Variants in CAMKMT observed in about 807,000 individuals in gnomAD.
CAMKMT encodes calmodulin-lysine N-methyltransferase.
A neutral mutation model predicts 48.0 loss-of-function variants in CAMKMT; 53 were observed. The ratio of observed to expected loss-of-function variants is 1.10; its 90% CI spans 0.89 to 1.39. The LOEUF is 1.39. CAMKMT is among the 40% of genes most tolerant of loss of function. The pLI, the probability that CAMKMT is intolerant of heterozygous loss-of-function variation, is 0.00. For missense variants in CAMKMT, 428 were observed against 402.7 expected (o/e 1.06, Z -0.54); for synonymous variants, 165 against 152.3 (o/e 1.08, Z -0.61).
intron 3 of CAMKMT, among the ~76,000 whole-genome samples, chr2:44,662,362 A>T (rs1225019739): frequency 6.6e-6 from 1 of 152,160 alleles, no homozygotes; most frequent in Non-Finnish European, 1.5e-5. Context: ...TCTTACTGCC[A>T]TTGTCTGCTA....
intron 3 of CAMKMT, among the ~76,000 whole-genome samples, chr2:44,570,662 A>G (rs1439232205): frequency 6.6e-6 from 1 of 152,186 alleles, no homozygotes; most frequent in African/African-American, 2.4e-5. Flanking sequence ...CTGTTTCTTC[A>G]AACTTGATTA....
chr2:44,459,275 CAATT>C (rs1450531476), intron 3 of CAMKMT, among the ~76,000 whole-genome samples: 1 of 152,076 alleles, frequency 6.6e-6, no homozygotes, highest in Non-Finnish European at 1.5e-5. Flanking sequence ...TAAAGATTTA[CAATT>C]AAAGTCATTT....
chr2:44,603,198 C>CG (rs985787757), intron 3 of CAMKMT, among the ~76,000 whole-genome samples: 2 of 152,020 alleles, frequency 1.3e-5, no homozygotes, highest in African/African-American at 4.8e-5. Context: ...AAGCAATTCT[C>CG]GTGCCTCAGC....
intron 3 of CAMKMT, among the ~76,000 whole-genome samples, chr2:44,483,588 T>A (rs1669078189): frequency 6.6e-6 from 1 of 152,146 alleles, no homozygotes; most frequent in Non-Finnish European, 1.5e-5. Context: ...AAAGTTTGCT[T>A]GTAATTTGAG....
At chr2:44,370,059 C>T (rs1477832618) in intron 1 of CAMKMT, 1 of 152,112 alleles carries the variant, frequency 6.6e-6, no homozygotes, top group Non-Finnish European at 1.5e-5. Flanking sequence ...ATATTCTCTA[C>T]AAGCAGAGGT....
chr2:44,449,161 A>G (rs901381764), intron 3 of CAMKMT, among the ~76,000 whole-genome samples: 1 of 152,158 alleles, frequency 6.6e-6, no homozygotes, highest in Non-Finnish European at 1.5e-5. Context: ...AGACAAAACA[A>G]AACTTCAATC....
intron 3 of CAMKMT, among the ~76,000 whole-genome samples, chr2:44,620,085 A>G (rs1440117304): frequency 6.6e-6 from 1 of 152,214 alleles, no homozygotes; most frequent in Admixed American, 6.5e-5. Flanking sequence ...CTAAAAGATA[A>G]CCACAATACC....
intron 3 of CAMKMT, among the ~76,000 whole-genome samples, chr2:44,551,145 G>C (rs1460561046): frequency 6.6e-6 from 1 of 152,092 alleles, no homozygotes; most frequent in Non-Finnish European, 1.5e-5. Flanking sequence ...ATGTAGTCCT[G>C]TTTAATGGGG....
At chr2:44,601,173 A>G (rs925135585) in intron 3 of CAMKMT, among the ~76,000 whole-genome samples, 1 of 152,076 alleles carries the variant, frequency 6.6e-6, no homozygotes, top group Admixed American at 6.6e-5. Context: ...ACTCTTTTAG[A>G]AAAAGTCATA....
At chr2:44,541,990 T>C (rs969248749) in intron 3 of CAMKMT, among the ~76,000 whole-genome samples, 21 of 151,630 alleles carry the variant, frequency 1.4e-4, no homozygotes, top group African/African-American at 3.9e-4. Flanking sequence ...AAACCGGGCA[T>C]GGTGGCACGC....
At chr2:44,770,778 C>G (rs1681072037) in intron 10 of CAMKMT, among the ~76,000 whole-genome samples, 2 of 152,240 alleles carry the variant, frequency 1.3e-5, no homozygotes, top group South Asian at 4.1e-4. Flanking sequence ...AGGCTTAACA[C>G]TCTCGCTACT....
At chr2:44,393,192 G>A (rs779907387) in intron 3 of CAMKMT, 20 of 152,138 alleles carry the variant, frequency 1.3e-4, no homozygotes, top group Non-Finnish European at 2.4e-4. Context: ...GTGAAAAGAC[G>A]TGGAAAAATC....
chr2:44,422,468 C>G (rs532774388), intron 3 of CAMKMT, among the ~76,000 whole-genome samples: 1 of 151,868 alleles, frequency 6.6e-6, no homozygotes. Context: ...ACAGAGGGAC[C>G]CAGCCAGGAA....
chr2:44,741,119 A>G (rs941019060), intron 7 of CAMKMT, among the ~76,000 whole-genome samples: 1 of 152,252 alleles, frequency 6.6e-6, no homozygotes, highest in Non-Finnish European at 1.5e-5. Flanking sequence ...GCATATGATC[A>G]GTGGACTTGT....
rs148729757 is a variant in CAMKMT at position 44,414,577 on chromosome 2, G to A, written c.376+24272G>A. Among the ~76,000 whole-genome samples, 160 of 152,298 alleles carry A rather than the reference G, an allele frequency of 1.1e-3. 1 individual carries two copies. The highest frequency in any genetic ancestry group is 3.8e-3 in the African/African-American group (157 of 41,556). On this transcript the variant is annotated intron_variant, in intron 3 of 10. Coordinates refer to ENST00000378494, the MANE Select transcript of CAMKMT (RefSeq NM_024766.5). ...GAGACAGAGAGTGGACACCCAAGAT[G>A]AGAGTCATAGTCTTTTATAACCTAA...
intron 3 of CAMKMT, among the ~76,000 whole-genome samples, chr2:44,463,823 C>A (rs569931511): frequency 6.6e-6 from 1 of 152,212 alleles, no homozygotes; most frequent in African/African-American, 2.4e-5. Flanking sequence ...CTGTCAGATT[C>A]TCTGGCTGTG....
At chr2:44,568,452 C>T (rs150229023) in intron 3 of CAMKMT, among the ~76,000 whole-genome samples, 2 of 152,294 alleles carry the variant, frequency 1.3e-5, no homozygotes, top group East Asian at 3.9e-4. Context: ...AGTATTCCTG[C>T]TCAGCAAACA....
intron 3 of CAMKMT, among the ~76,000 whole-genome samples, chr2:44,463,086 T>G (rs1667931398): frequency 1.3e-5 from 2 of 152,366 alleles, no homozygotes; most frequent in Admixed American, 1.3e-4. Context: ...CTTATTGTAG[T>G]ATTGTAGTAC....
intron 2 of CAMKMT, among the ~76,000 whole-genome samples, chr2:44,375,916 G>C (rs1413284540): frequency 6.6e-6 from 1 of 151,992 alleles, no homozygotes; most frequent in African/African-American, 2.4e-5. Context: ...CTCCTGAGTA[G>C]CTGGGATTAC....
Sources: gnomAD v4.1 joint callset for allele counts (sites outside exome capture counted in the v4.1 genomes callset) on GRCh38, gnomAD v4.1.1 for gene constraint, MANE v1.5 for transcripts, NCBI Gene and HGNC (gene_info 2026-07-23, HGNC 2026-07-21) for gene names.